Variants in WDR70 observed in about 807,000 individuals in gnomAD.
WDR70 encodes the protein WD repeat domain 70, also known as WD repeat-containing protein 70.
WDR70 carries 53 observed loss-of-function variants against 88.6 expected under a neutral mutation model. That is an observed-to-expected ratio of 0.60 (90% confidence interval 0.48 to 0.75). WDR70 has a LOEUF of 0.75. Ranked by LOEUF, WDR70 falls within the 30% of genes least tolerant of loss-of-function variation. WDR70 has a pLI of 0.00. For missense variants in WDR70, 610 were observed against 823.2 expected, an observed-to-expected ratio of 0.74 and a Z score of 3.17; for synonymous variants, 280 against 270.0, an observed-to-expected ratio of 1.04 and a Z score of -0.36.
At chr5:37,473,779 T>C (rs2112140031) in intron 7 of WDR70, among the ~76,000 whole-genome samples, 1 of 152,374 alleles carries the variant, frequency 6.6e-6, no homozygotes, top group Non-Finnish European at 1.5e-5. Context: ...GAGTACATTT[T>C]ACATGATTGT....
chr5:37,549,416 A>T (rs1236083974), intron 9 of WDR70, among the ~76,000 whole-genome samples: 1 of 152,110 alleles, frequency 6.6e-6, no homozygotes. Flanking sequence ...TGAGATTTTT[A>T]AAAGTTTCTT....
At chr5:37,650,596 A>T (rs542475037) in intron 10 of WDR70, among the ~76,000 whole-genome samples, 3 of 152,244 alleles carry the variant, frequency 2.0e-5, no homozygotes, top group African/African-American at 7.2e-5. Flanking sequence ...TATTGGTTGG[A>T]GGAGATATAG....
At chr5:37,718,091 T>A (rs1418908686) in intron 13 of WDR70, among the ~76,000 whole-genome samples, 2 of 152,186 alleles carry the variant, frequency 1.3e-5, no homozygotes, top group African/African-American at 4.8e-5. Context: ...TATTTGCCTC[T>A]CCCTGTTTCG....
At chr5:37,693,750 A>G (rs1311813204) in intron 10 of WDR70, among the ~76,000 whole-genome samples, 1 of 152,184 alleles carries the variant, frequency 6.6e-6, no homozygotes, top group Non-Finnish European at 1.5e-5. Context: ...AACCATAAAA[A>G]CCCTAGAAGA....
At chr5:37,404,977 C>T (rs1749309006) in intron 5 of WDR70, among the ~76,000 whole-genome samples, 1 of 151,968 alleles carries the variant, frequency 6.6e-6, no homozygotes, top group African/African-American at 2.4e-5. Flanking sequence ...AGATGGGGTC[C>T]CTCCTATCAG....
intron 17 of WDR70, among the ~76,000 whole-genome samples, chr5:37,746,529 G>A (rs553774204): frequency 1.1e-3 from 167 of 152,192 alleles, no homozygotes; most frequent in African/African-American, 3.6e-3. Context: ...CTGCTAGCTA[G>A]ACTAATAAGA....
intron 8 of WDR70, among the ~76,000 whole-genome samples, chr5:37,488,463 T>C (rs1284049227): frequency 1.3e-5 from 2 of 151,322 alleles, no homozygotes; most frequent in Non-Finnish European, 2.9e-5. Flanking sequence ...TGGTGTCCCA[T>C]ACATTATGTA....
intron 17 of WDR70, among the ~76,000 whole-genome samples, chr5:37,747,382 C>T (rs575180132): frequency 1.9e-4 from 29 of 151,892 alleles, no homozygotes; most frequent in Non-Finnish European, 3.8e-4. Context: ...TGCTGGGAGG[C>T]TGTGGAAAAA....
intron 3 of WDR70, among the ~76,000 whole-genome samples, chr5:37,388,366 G>C (rs762395830): frequency 6.7e-6 from 1 of 149,326 alleles, no homozygotes. Context: ...TCTGCCTGCC[G>C]CAGCCTCCCA....
intron 5 of WDR70, among the ~76,000 whole-genome samples, chr5:37,411,496 C>A (rs911004102): frequency 6.6e-6 from 1 of 151,992 alleles, no homozygotes; most frequent in South Asian, 2.1e-4. Context: ...GAGGCCAGGG[C>A]GGGTGGATCA....
chr5:37,545,126 A>G (rs960807548), intron 9 of WDR70, among the ~76,000 whole-genome samples: 4 of 152,160 alleles, frequency 2.6e-5, no homozygotes, highest in Admixed American at 2.6e-4. Context: ...AGACCTATTT[A>G]TAGCTTTTGA....
intron 5 of WDR70, among the ~76,000 whole-genome samples, chr5:37,405,395 G>T (rs757630631): frequency 5.9e-5 from 9 of 151,386 alleles, no homozygotes; most frequent in Non-Finnish European, 1.2e-4. Flanking sequence ...TGTTGCCCAG[G>T]CTGGAGTGCA....
intron 10 of WDR70, among the ~76,000 whole-genome samples, chr5:37,649,733 C>CTTCTTTTTTTTT (rs1384336784): frequency 1.7e-4 from 12 of 68,742 alleles, no homozygotes; most frequent in Admixed American, 6.8e-4. Flanking sequence ...GTTATTACTT[C>CTTCTTTTTTTTT]TTTTTTTTTT....
intron 5 of WDR70, among the ~76,000 whole-genome samples, chr5:37,424,979 C>G (rs1750076788): frequency 6.6e-6 from 1 of 152,186 alleles, no homozygotes; most frequent in African/African-American, 2.4e-5. Context: ...TGCGGTGGCT[C>G]ACGCCTGTAA....
chr5:37,408,449 G>A (rs1231095263), intron 5 of WDR70, among the ~76,000 whole-genome samples: 1 of 152,132 alleles, frequency 6.6e-6, no homozygotes, highest in East Asian at 1.9e-4. Context: ...ACTCCAGCTT[G>A]GGAGACAGAG....
intron 7 of WDR70, among the ~76,000 whole-genome samples, chr5:37,468,831 C>T (rs1739240782): frequency 1.3e-5 from 2 of 152,184 alleles, no homozygotes; most frequent in Admixed American, 6.5e-5. Flanking sequence ...ATCTGCATGA[C>T]ATTTACATTG....
intron 10 of WDR70, among the ~76,000 whole-genome samples, chr5:37,648,111 G>T (rs1296403787): frequency 6.6e-6 from 1 of 152,168 alleles, no homozygotes; most frequent in Non-Finnish European, 1.5e-5. Flanking sequence ...TTGTAGGCAT[G>T]TTCTTTATCT....
intron 7 of WDR70, among the ~76,000 whole-genome samples, chr5:37,455,636 C>CTTTTTT (rs59254502): frequency 0.11 from 7,917 of 70,238 alleles, 1,365 homozygotes; most frequent in South Asian, 0.23. Context: ...TTCTCTTTAT[C>CTTTTTT]TTTTTTTTTT....
At chr5:37,442,007 A>G (rs1750668760) in intron 6 of WDR70, among the ~76,000 whole-genome samples, 1 of 149,876 alleles carries the variant, frequency 6.7e-6, no homozygotes. Context: ...TGTGAATTGG[A>G]CCTAGGAAAG....
Sources: gnomAD v4.1 joint callset for allele counts (sites outside exome capture counted in the v4.1 genomes callset) on GRCh38, gnomAD v4.1.1 for gene constraint, MANE v1.5 for transcripts, NCBI Gene and HGNC (gene_info 2026-07-23, HGNC 2026-07-21) for gene names.